Variants in TRAPPC9 observed in about 807,000 individuals in gnomAD.
TRAPPC9 encodes IKK2 binding protein.
In TRAPPC9, 83 loss-of-function variants were observed where a neutral mutation model predicts 124.0. That is an observed-to-expected ratio of 0.67 (90% CI 0.56 to 0.80). The LOEUF is 0.80. TRAPPC9 is among the 30% of genes least tolerant of loss of function. The pLI is 0.00. For missense variants in TRAPPC9, 1,302 were observed against 1,508.3 expected (o/e 0.86, Z 2.27); for synonymous variants, 638 against 617.5 (o/e 1.03, Z -0.49).
At chr8:139,946,843 C>T (rs1374011591) in intron 19 of TRAPPC9, among the ~76,000 whole-genome samples, 1 of 151,746 alleles carries the variant, frequency 6.6e-6, no homozygotes, top group African/African-American at 2.4e-5. Context: ...AAAAATTATC[C>T]AGGCATGGTG....
rs1817663570 is a variant in TRAPPC9, at chr8:139,728,532, C to A, written c.*2529G>T. Among the ~76,000 whole-genome samples, 1 of 152,190 alleles carries A rather than the reference C, an allele frequency of 6.6e-6. No individual in the cohort carries two copies. The highest frequency in any genetic ancestry group is 1.5e-5 in the Non-Finnish European group (1 of 68,042). On this transcript the variant is annotated 3_prime_UTR_variant, in exon 23 of 23. Transcript: ENST00000438773. The stretch of plus-strand genomic sequence containing the variant: ...CCCAGGTCCTCCATCTCAGCCACTG[C>A]CCACAAACACAGCTCCACAGCCAGA...
chr8:139,949,787 T>C (rs1424251332), intron 19 of TRAPPC9, among the ~76,000 whole-genome samples: 2 of 152,104 alleles, frequency 1.3e-5, no homozygotes, highest in Non-Finnish European at 2.9e-5. Flanking sequence ...TAGGAGTTTT[T>C]GTAGCATGGT....
chr8:139,903,862 G>A (rs1023521126), intron 20 of TRAPPC9, among the ~76,000 whole-genome samples: 2 of 152,148 alleles, frequency 1.3e-5, no homozygotes, highest in Non-Finnish European at 1.5e-5. Flanking sequence ...CCAAAGTGGT[G>A]AAACCCCAAC....
At chr8:140,270,143 G>C (rs898483671) in intron 15 of TRAPPC9, among the ~76,000 whole-genome samples, 3 of 151,916 alleles carry the variant, frequency 2.0e-5, no homozygotes, top group Admixed American at 6.6e-5. Flanking sequence ...AGCCTAGAAA[G>C]GTGGGACAGA....
intron 21 of TRAPPC9, among the ~76,000 whole-genome samples, chr8:139,822,734 T>G (rs968812402): frequency 6.6e-6 from 1 of 152,174 alleles, no homozygotes; most frequent in East Asian, 1.9e-4. Context: ...CGCTGACACA[T>G]GGAGTCTTCA....
At chr8:139,864,468 A>G (rs569897889) in intron 21 of TRAPPC9, among the ~76,000 whole-genome samples, 9 of 152,232 alleles carry the variant, frequency 5.9e-5, no homozygotes, top group Admixed American at 5.9e-4. Context: ...TTTGAAATTC[A>G]TTTTCTCATT....
At position 139,819,886 on chromosome 8, in the gene TRAPPC9, G is replaced by A. The variant is rs1012767643; in HGVS notation, c.3055+65993C>T. ...AAATTAGCCGGGCATGGTGGCGTGC[G>A]CCTATAGTCCCAGCTACTTGGGAGG... On this transcript the variant is annotated intron_variant, in intron 21 of 22. Transcript: ENST00000438773. 7.3e-5 allele frequency among the ~76,000 whole-genome samples: 11 copies of A among 151,366 alleles called. No homozygotes were observed. In the South Asian group the frequency reaches 1.5e-3, roughly 20 times the overall value.
chr8:140,157,206 T>C (rs1587826602), intron 17 of TRAPPC9, among the ~76,000 whole-genome samples: 1 of 44,358 alleles, frequency 2.3e-5, no homozygotes, highest in Admixed American at 2.6e-4. Flanking sequence ...TTCAAAAGCC[T>C]CCCTTTTCCA....
chr8:140,450,514 G>A (rs1441750527), intron 2 of TRAPPC9, among the ~76,000 whole-genome samples: 1 of 152,080 alleles, frequency 6.6e-6, no homozygotes, highest in East Asian at 1.9e-4. Flanking sequence ...CAGAGCTCCA[G>A]GAGTCCCACG....
intron 11 of TRAPPC9, among the ~76,000 whole-genome samples, chr8:140,299,541 G>A (rs1005935836): frequency 5.3e-5 from 8 of 152,268 alleles, no homozygotes; most frequent in South Asian, 2.1e-4. Context: ...CACACTCCTC[G>A]GAGGCCCCGG....
chr8:140,357,129 G>C (rs572379921), intron 9 of TRAPPC9, among the ~76,000 whole-genome samples: 1 of 152,230 alleles, frequency 6.6e-6, no homozygotes, highest in South Asian at 2.1e-4. Context: ...ATACGTAACT[G>C]ATGACCGACA....
At chr8:140,157,109 C>T (rs1273446592) in intron 17 of TRAPPC9, among the ~76,000 whole-genome samples, 2 of 114,022 alleles carry the variant, frequency 1.8e-5, no homozygotes, top group Admixed American at 1.8e-4. Context: ...GCCTCCCTTT[C>T]CATTCAGAAG....
upstream of TRAPPC9, chr8:140,457,807 C>A: frequency 9.4e-7 from 1 of 1,060,016 alleles, no homozygotes; most frequent in Non-Finnish European, 1.1e-6. Flanking sequence ...CCCGATCCGT[C>A]CCGGGTTTTG....
intron 17 of TRAPPC9, among the ~76,000 whole-genome samples, chr8:140,068,050 C>T (rs1270142106): frequency 6.6e-6 from 1 of 152,158 alleles, no homozygotes; most frequent in African/African-American, 2.4e-5. Context: ...GAACTTTGCA[C>T]TTACCTATAG....
chr8:140,366,342 T>C (rs1375180361), intron 8 of TRAPPC9, among the ~76,000 whole-genome samples: 6 of 152,200 alleles, frequency 3.9e-5, no homozygotes, highest in Admixed American at 2.6e-4. Flanking sequence ...TATAAAACTA[T>C]AGTACTCAAG....
chr8:140,116,572 A>C (rs951565625), intron 17 of TRAPPC9, among the ~76,000 whole-genome samples: 1 of 152,188 alleles, frequency 6.6e-6, no homozygotes, highest in Non-Finnish European at 1.5e-5. Flanking sequence ...TAATTTACAA[A>C]TTTTAGGGGA....
intron 21 of TRAPPC9, among the ~76,000 whole-genome samples, chr8:139,802,673 C>G (rs1383934838): frequency 1.3e-5 from 2 of 152,304 alleles, no homozygotes; most frequent in African/African-American, 4.8e-5. Flanking sequence ...CTTTTACGGG[C>G]AAGAGATCAA....
At chr8:140,193,760 A>G (rs1321380802) in intron 17 of TRAPPC9, among the ~76,000 whole-genome samples, 1 of 152,170 alleles carries the variant, frequency 6.6e-6, no homozygotes, top group East Asian at 1.9e-4. Context: ...TCAGGTGACC[A>G]AGGCCACCTC....
At chr8:140,296,257 T>C (rs74463751) in intron 11 of TRAPPC9, among the ~76,000 whole-genome samples, 5,034 of 152,296 alleles carry the variant, frequency 0.033, 279 homozygotes, top group African/African-American at 0.11. Flanking sequence ...AAGGAATCTT[T>C]GACAATGTCT....
Sources: gnomAD v4.1 joint callset for allele counts (sites outside exome capture counted in the v4.1 genomes callset) on GRCh38, gnomAD v4.1.1 for gene constraint, MANE v1.5 for transcripts, NCBI Gene and HGNC (gene_info 2026-07-23, HGNC 2026-07-21) for gene names.